Variants in DTD1 observed in about 807,000 individuals in gnomAD.
DTD1 encodes D-tyrosyl-tRNA deacylase 1 homolog.
DTD1 carries 13 observed loss-of-function variants against 25.6 expected under a neutral mutation model. The ratio of observed to expected loss-of-function variants is 0.51; its 90% CI spans 0.33 to 0.81. The LOEUF (loss-of-function observed/expected upper bound fraction) is 0.81. DTD1 is among the 30% of genes least tolerant of loss of function. DTD1 has a pLI of 0.02. For synonymous variants in DTD1, 110 were observed against 103.6 expected, an observed-to-expected ratio of 1.06 and a Z score of -0.37; for missense variants, 193 against 266.4, an observed-to-expected ratio of 0.72 and a Z score of 1.92.
chr20:18,705,520 C>A (rs1309567442), intron 4 of DTD1, among the ~76,000 whole-genome samples: 1 of 152,178 alleles, frequency 6.6e-6, no homozygotes, highest in Non-Finnish European at 1.5e-5. Context: ...GAAGCTACCG[C>A]CAGGTTCAGG....
intron 4 of DTD1, chr20:18,631,067 C>G: frequency 2.0e-6 from 2 of 985,428 alleles, no homozygotes; most frequent in Non-Finnish European, 2.4e-6. Context: ...CTTGTCTGTC[C>G]TCTGGCTCAT....
intron 5 of DTD1, among the ~76,000 whole-genome samples, chr20:18,744,648 AC>A (rs946298461): frequency 9.8e-6 from 1 of 101,656 alleles, no homozygotes; most frequent in African/African-American, 3.8e-5. Flanking sequence ...AAAAAAAAAA[AC>A]AAAAAACAAG....
chr20:18,663,924 T>G (rs1327862910), intron 4 of DTD1, among the ~76,000 whole-genome samples: 4 of 152,186 alleles, frequency 2.6e-5, no homozygotes, highest in Non-Finnish European at 4.4e-5. Context: ...TACCTCCCAC[T>G]GGGTCCCTCC....
At chr20:18,639,274 C>T (rs2060820019) in intron 4 of DTD1, among the ~76,000 whole-genome samples, 1 of 151,084 alleles carries the variant, frequency 6.6e-6, no homozygotes, top group Non-Finnish European at 1.5e-5. Flanking sequence ...GCCCAGTTTT[C>T]CCCCAAATAC....
In DTD1 at chr20:18,597,154, AGTGTGTGTGTGTGT is replaced by A. The variant is rs4052788; in HGVS notation, c.370+946_370+959del. Among the ~76,000 whole-genome samples the A allele has an allele frequency of 3.1e-3, 443 of 143,558 alleles. 3 individuals carry two copies. Among genetic ancestry groups the A allele is most frequent in the Middle Eastern group, 0.018 (5 of 284 alleles). 94.2% of individuals were successfully genotyped at this position (143,558 alleles called of 152,430 possible). Reference sequence around the variant, plus strand: ...CTCTCTCTTTTAGTAGATGAGAGAAAGTGTGTGTGTGTGTGTGTGTGTGTGTGTGTGTGTGTGTG... The same window carrying A: ...CTCTCTCTTTTAGTAGATGAGAGAAAGTGTGTGTGTGTGTGTGTGTGTGTG... On this transcript the variant is annotated intron_variant, in intron 3 of 5. Coordinates refer to ENST00000377452, the MANE Select transcript of DTD1 (RefSeq NM_080820.6).
intron 4 of DTD1, among the ~76,000 whole-genome samples, chr20:18,695,458 T>C (rs113903551): frequency 0.029 from 8 of 278 alleles, no homozygotes; most frequent in African/African-American, 0.09. Context: ...TCCCCTTCTT[T>C]CCCTTCCCCT....
rs143025193 is a variant in DTD1 at position 18,684,785 on chromosome 20, A to G, written c.477+56552A>G. On this transcript the variant is annotated intron_variant, in intron 4 of 5. Transcript: ENST00000377452. Reference sequence around the variant, plus strand: ...TTGTCCAGCCTTTTCTTGTTATAAGAATGACAGTGACAACTCCCAAAATCT... The same window carrying G: ...TTGTCCAGCCTTTTCTTGTTATAAGGATGACAGTGACAACTCCCAAAATCT... 2.6e-5 allele frequency among the ~76,000 whole-genome samples: 4 copies of G among 152,288 alleles called. No individual in the cohort carries two copies. In the East Asian group the frequency reaches 7.7e-4, roughly 29 times the overall value.
rs989544773 is a variant in DTD1, at chr20:18,763,742, A to T, written c.*402A>T. On this transcript the variant is annotated 3_prime_UTR_variant, in exon 6 of 6. Transcript: ENST00000377452. ...GTCCATGGCGGGGGTTCTCCAATAC[A>T]CTCACACTGTCCATGTTCTTTTTAT... 6.6e-6 allele frequency: 1 copy of T among 152,208 alleles called. No homozygotes were observed. Among genetic ancestry groups the T allele is most frequent in the Non-Finnish European group, 1.5e-5 (1 of 68,004 alleles). The allele number at this position is 152,208 out of a possible 1,614,324, so 9.4% of individuals were successfully genotyped here.
intron 3 of DTD1, among the ~76,000 whole-genome samples, chr20:18,623,874 C>CTGTGTGTGTGTGTGTG (rs55984974): frequency 0.11 from 16,331 of 143,464 alleles, 973 homozygotes; most frequent in Non-Finnish European, 0.12. Context: ...ACAAGAAGAA[C>CTGTGTGTGTGTGTGTG]TGTGTGTGTG....
At position 18,628,104 on chromosome 20, in the gene DTD1, A is replaced by T. The variant is rs368781399; in HGVS notation, c.371-23A>T. ...GTAATCTGGTGTCTCCATCTTTGGTAACTGTTTGGATTGCTTTTTCAGATG... is the reference window on the plus strand; with the variant it reads ...GTAATCTGGTGTCTCCATCTTTGGTTACTGTTTGGATTGCTTTTTCAGATG... On this transcript the variant is annotated intron_variant, in intron 3 of 5. Transcript: ENST00000377452. The T allele has an allele frequency of 3.4e-5, 55 of 1,602,668 alleles. No homozygotes were observed. The African/African-American group carries it at 6.3e-4, about 18-fold the overall frequency.
chr20:18,646,257 G>A (rs1472042365), intron 4 of DTD1, among the ~76,000 whole-genome samples: 1 of 152,176 alleles, frequency 6.6e-6, no homozygotes, highest in African/African-American at 2.4e-5. Context: ...TGCCCATCAT[G>A]GAAGAATGTC....
At chr20:18,693,902 C>T (rs960697968) in intron 4 of DTD1, among the ~76,000 whole-genome samples, 2 of 152,110 alleles carry the variant, frequency 1.3e-5, no homozygotes, top group Admixed American at 6.5e-5. Flanking sequence ...GCACCAGCCA[C>T]GTGTAGCCAT....
At chr20:18,649,439 C>T (rs948432811) in intron 4 of DTD1, among the ~76,000 whole-genome samples, 16 of 146,474 alleles carry the variant, frequency 1.1e-4, no homozygotes, top group African/African-American at 3.3e-4. Context: ...CCCGGGTTCA[C>T]GCCATTCTCC....
chr20:18,720,645 G>A (rs557589089), intron 4 of DTD1, among the ~76,000 whole-genome samples: 4 of 152,048 alleles, frequency 2.6e-5, no homozygotes, highest in African/African-American at 4.8e-5. Context: ...GCTTGAGTCC[G>A]GGAGTTTGAG....
intron 4 of DTD1, among the ~76,000 whole-genome samples, chr20:18,681,078 A>G (rs947781019): frequency 6.6e-6 from 1 of 152,106 alleles, no homozygotes; most frequent in Non-Finnish European, 1.5e-5. Context: ...TCTTTATCCC[A>G]GTGATTTGTT....
rs544262752 is a variant in DTD1, at chr20:18,761,017, C to T, written c.*20-2343C>T. 2.9e-3 allele frequency among the ~76,000 whole-genome samples: 444 copies of T among 152,256 alleles called. 2 individuals are homozygous for T. The highest frequency in any genetic ancestry group is 9.7e-3 in the African/African-American group (403 of 41,548). On this transcript the variant is annotated intron_variant, in intron 5 of 5. Transcript: ENST00000377452. ...CTAGCAATGAGCGAGGCTCTGTGGG[C>T]GTAGGACCCTCAGAGCCATGCGCGG...
intron 4 of DTD1, among the ~76,000 whole-genome samples, chr20:18,644,746 G>A (rs2060844268): frequency 6.6e-6 from 1 of 152,126 alleles, no homozygotes; most frequent in Non-Finnish European, 1.5e-5. Context: ...TCAGTACCCA[G>A]GATAGATTTG....
At chr20:18,636,885 G>A (rs1452420897) in intron 4 of DTD1, among the ~76,000 whole-genome samples, 3 of 152,172 alleles carry the variant, frequency 2.0e-5, no homozygotes, top group African/African-American at 7.2e-5. Flanking sequence ...GGCAGACTGA[G>A]GACCACTGGC....
chr20:18,597,226 G>GT lies in DTD1; in HGVS notation c.370+990dup, dbSNP rs879452167. 5.3e-5 allele frequency among the ~76,000 whole-genome samples: 8 copies of GT among 150,110 alleles called. No individual in the cohort carries two copies. The East Asian group carries it at 1.6e-3, about 29-fold the overall frequency. On this transcript the variant is annotated intron_variant, in intron 3 of 5. Transcript: ENST00000377452. ...ATAGAGAGAAGGAGCTATAGATGGT[G>GT]TTTTTGTTCTCCTAATGGTTATTTC...
Sources: gnomAD v4.1 joint callset for allele counts (sites outside exome capture counted in the v4.1 genomes callset) on GRCh38, gnomAD v4.1.1 for gene constraint, MANE v1.5 for transcripts, NCBI Gene and HGNC (gene_info 2026-07-23, HGNC 2026-07-21) for gene names.